Variants in RBFOX3 observed in about 807,000 individuals in gnomAD.
RBFOX3 encodes RNA binding fox-1 homolog 3.
In RBFOX3, 17 loss-of-function variants were observed where a neutral mutation model predicts 48.7. The observed-to-expected ratio is 0.35, with a 90% CI of 0.24 to 0.52. The LOEUF (loss-of-function observed/expected upper bound fraction) is 0.52. RBFOX3 is among the 20% of genes least tolerant of loss of function. RBFOX3 has a pLI of 0.94. For missense variants in RBFOX3, 382 were observed against 497.5 expected (o/e 0.77, Z 2.21); for synonymous variants, 212 against 209.5 (o/e 1.01, Z -0.10).
intron 3 of RBFOX3, among the ~76,000 whole-genome samples, chr17:79,236,345 A>G (rs914515328): frequency 2.6e-5 from 4 of 151,930 alleles, no homozygotes; most frequent in African/African-American, 7.3e-5. Context: ...CTGGAATGCA[A>G]TGGTGCGATC....
intron 14 of RBFOX3, chr17:79,092,712 A>G (rs1422217295): frequency 3.8e-6 from 3 of 791,974 alleles, no homozygotes; most frequent in Non-Finnish European, 4.6e-6. Context: ...CAAAAAGAAA[A>G]AAAAAAAGGA....
chr17:79,290,617 C>T (rs766927188), intron 3 of RBFOX3, among the ~76,000 whole-genome samples: 9 of 152,136 alleles, frequency 5.9e-5, no homozygotes, highest in Non-Finnish European at 1.2e-4. Context: ...GGTTGACCCA[C>T]GTGACCCTTG....
At chr17:79,292,376 A>G (rs1046400902) in intron 3 of RBFOX3, among the ~76,000 whole-genome samples, 1 of 152,100 alleles carries the variant, frequency 6.6e-6, no homozygotes, top group Non-Finnish European at 1.5e-5. Flanking sequence ...CCACTAACCA[A>G]GAGCAACCAG....
intron 2 of RBFOX3, among the ~76,000 whole-genome samples, chr17:79,322,790 G>A (rs2078733768): frequency 6.6e-6 from 1 of 152,182 alleles, no homozygotes; most frequent in Admixed American, 6.5e-5. Context: ...GGTTCTCAAG[G>A]GGGGCCTGGG....
At chr17:79,426,438 C>CGGCA (rs2067393698) in intron 2 of RBFOX3, among the ~76,000 whole-genome samples, 1 of 152,176 alleles carries the variant, frequency 6.6e-6, no homozygotes, top group South Asian at 2.1e-4. Context: ...GAAGAGACAA[C>CGGCA]GGCAGGCAGG....
At chr17:79,665,068 G>C in the RBFOX3 span, among the ~76,000 whole-genome samples, 1 of 152,032 alleles carries the variant, frequency 6.6e-6, no homozygotes, top group Admixed American at 6.6e-5. Flanking sequence ...TCCTTGATCC[G>C]GCATTCAGAT....
At chr17:79,498,724 A>C (rs1194275976) in intron 1 of RBFOX3, among the ~76,000 whole-genome samples, 22 of 121,322 alleles carry the variant, frequency 1.8e-4, no homozygotes, top group Middle Eastern at 6.8e-3. Flanking sequence ...CCTTCCACCC[A>C]CCCCATCTAC....
chr17:79,169,871 C>T (rs1403528560), intron 4 of RBFOX3, among the ~76,000 whole-genome samples: 1 of 149,710 alleles, frequency 6.7e-6, no homozygotes, highest in Non-Finnish European at 1.5e-5. Flanking sequence ...TGTTACGATA[C>T]GTAAAGCCCA....
intron 2 of RBFOX3, among the ~76,000 whole-genome samples, chr17:79,370,428 A>G (rs2058361028): frequency 6.6e-6 from 1 of 152,154 alleles, no homozygotes; most frequent in African/African-American, 2.4e-5. Context: ...ATGCTCACAT[A>G]CACATGCACA....
intron 2 of RBFOX3, among the ~76,000 whole-genome samples, chr17:79,329,656 G>A (rs191800641): frequency 8.0e-4 from 122 of 152,226 alleles, no homozygotes; most frequent in Non-Finnish European, 1.2e-3. Context: ...AAAGTCTAGG[G>A]AAGCTGTAGG....
At chr17:79,322,346 C>T (rs2078656735) in intron 2 of RBFOX3, among the ~76,000 whole-genome samples, 1 of 152,184 alleles carries the variant, frequency 6.6e-6, no homozygotes, top group Non-Finnish European at 1.5e-5. Flanking sequence ...AACTGGAATG[C>T]TGATGGGCTG....
intron 4 of RBFOX3, among the ~76,000 whole-genome samples, chr17:79,179,754 A>G (rs1108935): frequency 0.72 from 109,346 of 152,172 alleles, 40,413 homozygotes; most frequent in African/African-American, 0.9. Context: ...GGCCTCCCAG[A>G]GAGTCCTGCT....
In RBFOX3 at chr17:79,390,738, A is replaced by G. The variant is rs909207618; in HGVS notation, c.-174-82914T>C. On this transcript the variant is annotated intron_variant, in intron 2 of 14. Coordinates refer to ENST00000693108, the MANE Select transcript of RBFOX3 (RefSeq NM_001350451.2). The surrounding 1 kb of genome is among the most constrained non-coding windows in gnomAD (Gnocchi z 4.2). ...ACAATCTGCCCGTCTCGGCCTCCCA[A>G]CGCATGGCCCATTCAAAGTTTGCCA... Among the ~76,000 whole-genome samples, 1 of 152,032 alleles carries G rather than the reference A, an allele frequency of 6.6e-6. No homozygotes were observed. The highest frequency in any genetic ancestry group is 2.4e-5 in the African/African-American group (1 of 41,420).
At chr17:79,250,893 C>T (rs1212441216) in intron 3 of RBFOX3, among the ~76,000 whole-genome samples, 1 of 151,648 alleles carries the variant, frequency 6.6e-6, no homozygotes, top group Non-Finnish European at 1.5e-5. Context: ...CAACCTCCAC[C>T]TCCCGGGTTC....
chr17:79,499,138 A>T (rs2082041729), intron 1 of RBFOX3, among the ~76,000 whole-genome samples: 1 of 150,270 alleles, frequency 6.7e-6, no homozygotes, highest in African/African-American at 2.5e-5. Context: ...CCACCCACCC[A>T]TCCATTCACT....
rs1555720540 is a variant in RBFOX3 at position 79,418,917 on chromosome 17, A to G, written c.-175+63537T>C. On this transcript the variant is annotated intron_variant, in intron 2 of 14. Transcript: ENST00000693108. This position sits in a 1 kb window ranked among gnomAD's most constrained non-coding sequence, Gnocchi z 5.0. ...CCAGCTACAAATGTATCCTTATTTA[A>G]TCTATAGCAATTATATTCACATTCT... is the stretch of plus-strand genomic sequence containing the variant. Among the ~76,000 whole-genome samples the G allele has an allele frequency of 6.6e-6, 1 of 152,138 alleles. No homozygotes were observed. Among genetic ancestry groups the G allele is most frequent in the African/African-American group, 2.4e-5 (1 of 41,422 alleles).
chr17:79,117,477 G>C (rs1348106211), intron 4 of RBFOX3, among the ~76,000 whole-genome samples: 1 of 152,246 alleles, frequency 6.6e-6, no homozygotes, highest in African/African-American at 2.4e-5. Flanking sequence ...GCACCTACTA[G>C]GTGCAGGCAG....
intron 4 of RBFOX3, among the ~76,000 whole-genome samples, chr17:79,143,471 C>T (rs2144367731): frequency 6.6e-6 from 1 of 152,274 alleles, no homozygotes; most frequent in Admixed American, 6.5e-5. Context: ...CCCTGCTGCC[C>T]CCACAGCTCA....
chr17:79,133,699 G>A (rs914965695), intron 4 of RBFOX3, among the ~76,000 whole-genome samples: 1 of 152,170 alleles, frequency 6.6e-6, no homozygotes, highest in Non-Finnish European at 1.5e-5. Context: ...AGCATCCGTG[G>A]TACACACAGC....
Sources: gnomAD v4.1 joint callset for allele counts (sites outside exome capture counted in the v4.1 genomes callset) on GRCh38, gnomAD v4.1.1 for gene constraint, Gnocchi (gnomAD v3.1) non-coding constraint, MANE v1.5 for transcripts, NCBI Gene and HGNC (gene_info 2026-07-23, HGNC 2026-07-21) for gene names.